RBMS3: variants seen among roughly 807,000 people sequenced by gnomAD.
RBMS3 encodes RNA-binding motif, single-stranded-interacting protein 3.
RBMS3 carries 27 observed loss-of-function variants against 66.8 expected under a neutral mutation model. The ratio of observed to expected loss-of-function variants is 0.40; its 90% CI spans 0.30 to 0.56. The LOEUF (loss-of-function observed/expected upper bound fraction) is 0.56, where lower values mean the gene tolerates loss of function less well. Ranked by LOEUF, RBMS3 falls within the 20% of genes least tolerant of loss-of-function variation. RBMS3 has a pLI of 0.40. For missense variants in RBMS3, 513 were observed against 549.5 expected, an observed-to-expected ratio of 0.93 and a Z score of 0.66; for synonymous variants, 188 against 183.0, an observed-to-expected ratio of 1.03 and a Z score of -0.22.
In RBMS3 at chr3:29,937,816, G is replaced by C. The variant is rs111428529; in HGVS notation, c.1050+1620G>C. On this transcript the variant is annotated intron_variant, in intron 11 of 14. Coordinates refer to ENST00000383767, the MANE Select transcript of RBMS3 (RefSeq NM_001003793.3). The stretch of plus-strand genomic sequence containing the variant: ...AGAATTATTTGTAATTATTTTGTGC[G>C]TTACTAATAAGCAGGTCCTAGGAAT... Among the ~76,000 whole-genome samples the C allele has an allele frequency of 2.0e-5, 3 of 151,920 alleles. No homozygotes were observed. In the South Asian group the frequency reaches 6.2e-4, roughly 31 times the overall value.
intron 12 of RBMS3, among the ~76,000 whole-genome samples, chr3:29,975,123 C>A (rs1040703236): frequency 7.1e-6 from 1 of 141,300 alleles, no homozygotes; most frequent in African/African-American, 2.6e-5. Context: ...ATATAAAATA[C>A]GTTTATATAT....
chr3:29,330,714 C>T (rs945385555), intron 1 of RBMS3, among the ~76,000 whole-genome samples: 1 of 152,136 alleles, frequency 6.6e-6, no homozygotes, highest in Admixed American at 6.6e-5. Context: ...ACTCATTCCT[C>T]CCTGCTCACC....
intron 7 of RBMS3, among the ~76,000 whole-genome samples, chr3:29,870,847 A>G (rs1267826480): frequency 6.6e-6 from 1 of 152,194 alleles, no homozygotes; most frequent in Non-Finnish European, 1.5e-5. Flanking sequence ...TTTCAAATAT[A>G]TATACACATT....
intron 1 of RBMS3, among the ~76,000 whole-genome samples, chr3:29,324,064 GTTTTTA>G (rs763426417): frequency 1.9e-4 from 28 of 149,280 alleles, no homozygotes; most frequent in Middle Eastern, 3.4e-3. Flanking sequence ...TTTTTATTTT[GTTTTTA>G]TTTTTAACTC....
chr3:29,687,017 T>C (rs2051762368), intron 4 of RBMS3, among the ~76,000 whole-genome samples: 1 of 152,162 alleles, frequency 6.6e-6, no homozygotes. Context: ...ATCATCAGTT[T>C]TGTTTTGCTT....
chr3:29,835,620 G>A (rs966535052), intron 6 of RBMS3, among the ~76,000 whole-genome samples: 1 of 151,858 alleles, frequency 6.6e-6, no homozygotes, highest in Non-Finnish European at 1.5e-5. Context: ...ATGGGATGCA[G>A]CAAAATCATT....
chr3:29,696,607 T>C (rs1233461549), intron 4 of RBMS3, among the ~76,000 whole-genome samples: 1 of 152,170 alleles, frequency 6.6e-6, no homozygotes, highest in Non-Finnish European at 1.5e-5. Context: ...GGCCAGAACA[T>C]GAAAAGTTAG....
At chr3:29,580,480 C>T (rs771854562) in intron 3 of RBMS3, among the ~76,000 whole-genome samples, 7 of 151,910 alleles carry the variant, frequency 4.6e-5, no homozygotes, top group African/African-American at 7.3e-5. Flanking sequence ...ACATACTATA[C>T]GGTATAAAAT....
intron 3 of RBMS3, among the ~76,000 whole-genome samples, chr3:29,505,645 C>G (rs1248360048): frequency 6.6e-6 from 1 of 151,452 alleles, no homozygotes; most frequent in Non-Finnish European, 1.5e-5. Flanking sequence ...ATATCAATCA[C>G]ATTTAATCTG....
chr3:29,910,464 T>G (rs2060488127), intron 10 of RBMS3, among the ~76,000 whole-genome samples: 1 of 152,158 alleles, frequency 6.6e-6, no homozygotes, highest in Non-Finnish European at 1.5e-5. Context: ...GTTCACATAT[T>G]GAGAGTATTC....
chr3:29,334,027 T>C (rs2035811899), intron 1 of RBMS3, among the ~76,000 whole-genome samples: 2 of 152,184 alleles, frequency 1.3e-5, no homozygotes, highest in Non-Finnish European at 2.9e-5. Context: ...ACAATTTCTA[T>C]GTTTTATTTT....
intron 3 of RBMS3, among the ~76,000 whole-genome samples, chr3:29,563,479 C>A (rs1304044063): frequency 2.6e-5 from 4 of 152,280 alleles, no homozygotes; most frequent in East Asian, 3.9e-4. Flanking sequence ...GATTCAACAG[C>A]TAGCTGAAAC....
At chr3:29,506,234 G>A (rs948747822) in intron 3 of RBMS3, among the ~76,000 whole-genome samples, 1 of 151,568 alleles carries the variant, frequency 6.6e-6, no homozygotes, top group Non-Finnish European at 1.5e-5. Context: ...TGTCCTTTCA[G>A]GTATTGAGAT....
chr3:29,296,086 T>C (rs1386339240), intron 1 of RBMS3, among the ~76,000 whole-genome samples: 1 of 151,760 alleles, frequency 6.6e-6, no homozygotes, highest in African/African-American at 2.4e-5. Flanking sequence ...GAAACAGGAA[T>C]ATCTTCCTTC....
intron 4 of RBMS3, among the ~76,000 whole-genome samples, chr3:29,701,696 G>C (rs1012059227): frequency 5.9e-5 from 9 of 152,174 alleles, no homozygotes; most frequent in Non-Finnish European, 1.3e-4. Context: ...ACCGGCCTTG[G>C]GCAGTGAGAG....
At chr3:29,541,997 CT>C (rs2045781869) in intron 3 of RBMS3, among the ~76,000 whole-genome samples, 1 of 152,198 alleles carries the variant, frequency 6.6e-6, no homozygotes, top group Admixed American at 6.5e-5. Context: ...TTCTCACTAT[CT>C]TTTTCCCCTT....
intron 6 of RBMS3, among the ~76,000 whole-genome samples, chr3:29,795,903 C>A (rs1323629130): frequency 6.6e-6 from 1 of 152,144 alleles, no homozygotes; most frequent in Non-Finnish European, 1.5e-5. Flanking sequence ...ATGTACCAGC[C>A]TATTTTGAAT....
chr3:29,495,275 T>C (rs991394040), intron 3 of RBMS3, among the ~76,000 whole-genome samples: 2 of 152,152 alleles, frequency 1.3e-5, no homozygotes, highest in African/African-American at 2.4e-5. Flanking sequence ...ACAATCATGT[T>C]ATACATTTTG....
intron 1 of RBMS3, among the ~76,000 whole-genome samples, chr3:29,285,049 T>C (rs2032179262): frequency 6.6e-6 from 1 of 151,054 alleles, no homozygotes; most frequent in Admixed American, 6.6e-5. Context: ...CAGCAAGTTT[T>C]AGAGAAAAAG....
Sources: gnomAD v4.1 joint callset for allele counts (sites outside exome capture counted in the v4.1 genomes callset) on GRCh38, gnomAD v4.1.1 for gene constraint, MANE v1.5 for transcripts, NCBI Gene and HGNC (gene_info 2026-07-23, HGNC 2026-07-21) for gene names.